COLQ: variants seen among roughly 807,000 people sequenced by gnomAD.
COLQ encodes the protein acetylcholinesterase collagenic tail peptide.
A neutral mutation model predicts 69.0 loss-of-function variants in COLQ; 48 were observed. The ratio of observed to expected loss-of-function variants is 0.70; its 90% CI spans 0.55 to 0.88. The LOEUF is 0.88. Ranked by LOEUF, COLQ falls within the 40% of genes least tolerant of loss-of-function variation. The pLI is 0.00. For synonymous variants in COLQ, 217 were observed against 211.2 expected, an observed-to-expected ratio of 1.03 and a Z score of -0.24; for missense variants, 618 against 594.6, an observed-to-expected ratio of 1.04 and a Z score of -0.41.
chr3:15,473,605 T>C lies in COLQ; in HGVS notation c.636+395A>G, dbSNP rs1361540761. Among the ~76,000 whole-genome samples the C allele has an allele frequency of 6.6e-6, 1 of 152,214 alleles. No individual in the cohort carries two copies. The highest frequency in any genetic ancestry group is 1.5e-5 in the Non-Finnish European group (1 of 68,044). On this transcript the variant is annotated intron_variant, in intron 10 of 16. Transcript: ENST00000383788. The surrounding 1 kb of genome is among the most constrained non-coding windows in gnomAD (Gnocchi z 4.0). ...ACAGTGACCTTAAGCTAAAGACACC[T>C]GTGCCTTACACTGAGGCCTGTGTGC...
intron 12 of COLQ, among the ~76,000 whole-genome samples, chr3:15,464,415 G>A (rs2062167079): frequency 6.6e-6 from 1 of 152,202 alleles, no homozygotes; most frequent in South Asian, 2.1e-4. Context: ...TAGACCAAAG[G>A]TTGGAGGGAC....
chr3:15,483,731 G>A (rs565296780), intron 3 of COLQ, among the ~76,000 whole-genome samples: 1 of 152,204 alleles, frequency 6.6e-6, no homozygotes, highest in Non-Finnish European at 1.5e-5. Context: ...TGTTAGGTCT[G>A]CTTGGTGCAG....
At chr3:15,498,713 C>T (rs1246740249) in intron 1 of COLQ, 11 of 1,542,718 alleles carry the variant, frequency 7.1e-6, no homozygotes, top group South Asian at 1.2e-5. Context: ...TTGGCCAATC[C>T]CTGCTTTGAT....
At chr3:15,460,829 A>G (rs538519311) in intron 12 of COLQ, among the ~76,000 whole-genome samples, 1 of 152,270 alleles carries the variant, frequency 6.6e-6, no homozygotes, top group East Asian at 1.9e-4. Flanking sequence ...TGGGTAATTA[A>G]GCACTTGGGG....
intron 1 of COLQ, among the ~76,000 whole-genome samples, chr3:15,491,233 T>G (rs536907302): frequency 1.3e-5 from 2 of 152,164 alleles, no homozygotes; most frequent in East Asian, 3.9e-4. Context: ...CCAAAATGCA[T>G]GTATTAAAAT....
intron 10 of COLQ, among the ~76,000 whole-genome samples, chr3:15,472,723 G>A (rs147234048): frequency 1.3e-5 from 2 of 152,060 alleles, no homozygotes; most frequent in East Asian, 3.9e-4. Flanking sequence ...CTAACCCTCG[G>A]TAAAAGTTTC....
intron 3 of COLQ, among the ~76,000 whole-genome samples, chr3:15,485,864 A>T (rs1215989430): frequency 2.0e-5 from 3 of 152,184 alleles, no homozygotes; most frequent in Non-Finnish European, 4.4e-5. Context: ...TGGGAGGCTG[A>T]TGTAGGAGGC....
At chr3:15,493,186 G>C (rs2062697703) in intron 1 of COLQ, among the ~76,000 whole-genome samples, 1 of 152,240 alleles carries the variant, frequency 6.6e-6, no homozygotes, top group Admixed American at 6.5e-5. Flanking sequence ...ACTTGAGCTA[G>C]GCCTTGAAGG....
At chr3:15,461,982 C>T (rs1161872175) in intron 12 of COLQ, among the ~76,000 whole-genome samples, 3 of 151,064 alleles carry the variant, frequency 2.0e-5, no homozygotes, top group African/African-American at 7.3e-5. Context: ...CCAACTGGTC[C>T]CAGGCACAGG....
chr3:15,491,521 G>A (rs1360630800), intron 1 of COLQ, among the ~76,000 whole-genome samples: 3 of 152,168 alleles, frequency 2.0e-5, no homozygotes, highest in Admixed American at 1.3e-4. Context: ...CAGGTCGTGC[G>A]GTGTCCACGG....
chr3:15,477,300 G>A, intron 5 of COLQ, 103 bp from the exon 6 acceptor site: 1 of 1,052,104 alleles, frequency 9.5e-7, no homozygotes, highest in Non-Finnish European at 1.4e-6. Flanking sequence ...GGGTTCTCTA[G>A]GCATGGCTAC....
chr3:15,468,484 C>T (rs1374827224), intron 11 of COLQ, among the ~76,000 whole-genome samples: 1 of 151,952 alleles, frequency 6.6e-6, no homozygotes, highest in African/African-American at 2.4e-5. Context: ...GTGTGTGCCA[C>T]CATGCCCAGC....
At position 15,470,566 on chromosome 3, in the gene COLQ, G is replaced by A. The variant is rs756797522; in HGVS notation, c.687C>T (p.Pro229=). ...GEPGIAGHRG[P]TGRPGKRGKQ... is the part of the protein sequence containing the mutation. ...TGCCTCGTTTTCCTGGTCTTCCTGT[G>A]GGTCCTCGGTGTCCTGCTATCCCAG... The change falls in exon 11 of 17, where the codon CCC becomes CCT. Residue 229 remains proline, a synonymous_variant. Coordinates refer to ENST00000383788, the MANE Select transcript of COLQ (RefSeq NM_005677.4). The A allele has an allele frequency of 1.2e-6, 2 of 1,614,038 alleles. No homozygotes were observed. Among genetic ancestry groups the A allele is most frequent in the East Asian group, 4.5e-5 (2 of 44,876 alleles).
intron 1 of COLQ, among the ~76,000 whole-genome samples, chr3:15,513,849 G>C (rs1471745853): frequency 2.0e-5 from 3 of 152,164 alleles, no homozygotes; most frequent in Non-Finnish European, 4.4e-5. Flanking sequence ...ACCTGTAAAT[G>C]TTACCTTATA....
At chr3:15,484,967 G>C (rs1032893097) in intron 3 of COLQ, among the ~76,000 whole-genome samples, 6 of 152,234 alleles carry the variant, frequency 3.9e-5, no homozygotes, top group Non-Finnish European at 7.3e-5. Context: ...TGGAGGAGAA[G>C]AGGCACTCTG....
intron 1 of COLQ, among the ~76,000 whole-genome samples, chr3:15,504,239 T>C (rs534939355): frequency 1.1e-4 from 16 of 152,184 alleles, no homozygotes; most frequent in African/African-American, 3.9e-4. Flanking sequence ...GCGGTTCGTG[T>C]ATTGGTTTTC....
intron 1 of COLQ, among the ~76,000 whole-genome samples, chr3:15,520,654 C>T (rs2063123926): frequency 6.6e-6 from 1 of 152,196 alleles, no homozygotes; most frequent in Admixed American, 6.5e-5. Flanking sequence ...CTCCTTCAAG[C>T]CCTCCGGAAA....
At chr3:15,466,065 T>G (rs2062195233) in intron 12 of COLQ, among the ~76,000 whole-genome samples, 1 of 152,266 alleles carries the variant, frequency 6.6e-6, no homozygotes, top group South Asian at 2.1e-4. Flanking sequence ...ATGTTCCTGT[T>G]ATTTTTCACT....
At chr3:15,499,014 AAG>A in intron 1 of COLQ, 7 of 986,370 alleles carry the variant, frequency 7.1e-6, no homozygotes, top group Middle Eastern at 4.9e-4. Flanking sequence ...GTAAGCCTCA[AAG>A]TCAACCCCCC....
Sources: gnomAD v4.1 joint callset for allele counts (sites outside exome capture counted in the v4.1 genomes callset) on GRCh38, gnomAD v4.1.1 for gene constraint, Gnocchi (gnomAD v3.1) non-coding constraint, MANE v1.5 for transcripts, NCBI Gene and HGNC (gene_info 2026-07-23, HGNC 2026-07-21) for gene names.